The following ABCE1 variants were observed in gnomAD, a reference collection of about 807,000 sequenced individuals.
ABCE1 encodes the protein ATP binding cassette subfamily E member 1.
In ABCE1, 22 loss-of-function variants were observed where a neutral mutation model predicts 83.4. That is an observed-to-expected ratio of 0.26 (90% CI 0.19 to 0.38). ABCE1 has a LOEUF of 0.38. Among genes scored for constraint, ABCE1 ranks in the 10% least tolerant of loss-of-function variants. The pLI, the probability that ABCE1 is intolerant of heterozygous loss-of-function variation, is 1.00. For synonymous variants in ABCE1, 204 were observed against 233.7 expected (o/e 0.87, Z 1.16); for missense variants, 330 against 721.9 (o/e 0.46, Z 6.22).
At chr4:145,105,958 AG>A (rs879357188) in intron 3 of ABCE1, among the ~76,000 whole-genome samples, 1 of 151,966 alleles carries the variant, frequency 6.6e-6, no homozygotes, top group African/African-American at 2.4e-5. Context: ...CCTTTTTATA[AG>A]GACATTACCA....
chr4:145,111,490 A>AT (rs957817389), intron 8 of ABCE1, among the ~76,000 whole-genome samples: 7 of 151,152 alleles, frequency 4.6e-5, no homozygotes, highest in African/African-American at 1.2e-4. Context: ...CACCCAGCTA[A>AT]TTTTTTTTTG....
chr4:145,113,708 A>G (rs1749540643), intron 9 of ABCE1, among the ~76,000 whole-genome samples: 1 of 152,214 alleles, frequency 6.6e-6, no homozygotes, highest in Non-Finnish European at 1.5e-5. Flanking sequence ...AAAGGATTCA[A>G]AACCCTAAGG....
rs554907873 is a variant in ABCE1, at chr4:145,121,612, G to A, written c.1263+221G>A. The A allele has an allele frequency of 1.9e-5, 8 of 425,686 alleles. No individual in the cohort carries two copies. In the South Asian group the frequency reaches 2.1e-4, roughly 11 times the overall value. The allele number at this position is 425,686 out of a possible 1,614,324, so 26.4% of individuals were successfully genotyped here. A position where few individuals can be genotyped will look rare whatever the true frequency, so the allele number is the denominator to read the frequency against. ...TCTTTGGCCGGGTGCAGTAGCTCAC[G>A]CCTGTAATGCCAACACTTCGGGAGG... is the stretch of plus-strand genomic sequence containing the variant. On this transcript the variant is annotated intron_variant, in intron 13 of 17. Transcript: ENST00000296577.
chr4:145,102,369 T>C (rs932404333), intron 1 of ABCE1, among the ~76,000 whole-genome samples: 2 of 152,142 alleles, frequency 1.3e-5, no homozygotes, highest in African/African-American at 4.8e-5. Context: ...GATAATAGAA[T>C]GCCTGAATGC....
intron 6 of ABCE1, 21 bp from the exon 7 acceptor site, chr4:145,110,354 G>T (rs1749433490): frequency 6.2e-7 from 1 of 1,609,930 alleles, no homozygotes. Flanking sequence ...AATAGTAACT[G>T]TTTTTGGTAT....
At position 145,110,177 on chromosome 4, in the gene ABCE1, A is replaced by G. The variant is rs774698791; in HGVS notation, c.480A>G (p.Leu160=). Residue 160 remains leucine (L), a synonymous_variant, in exon 6 of 18, where the codon CTA becomes CTG. Coordinates refer to ENST00000296577, the MANE Select transcript of ABCE1 (RefSeq NM_002940.3). ...SELQNYFTKI[L]EDDLKAIIKP... The stretch of plus-strand genomic sequence containing the variant: ...TACAAAATTACTTTACAAAGATTCT[A>G]GAAGATGACCTAAAAGCCATCATCA... The G allele has an allele frequency of 6.2e-6, 10 of 1,608,558 alleles. No individual in the cohort carries two copies. The highest frequency in any genetic ancestry group is 2.7e-5 in the African/African-American group (2 of 74,388).
intron 9 of ABCE1, among the ~76,000 whole-genome samples, chr4:145,113,934 T>G (rs1749547575): frequency 1.3e-5 from 2 of 152,194 alleles, no homozygotes; most frequent in South Asian, 4.1e-4. Context: ...ACCTGGAGAA[T>G]GTAATGAGGA....
At chr4:145,110,515 G>C in intron 7 of ABCE1, 71 bp downstream of exon 7, 1 of 1,482,642 alleles carries the variant, frequency 6.7e-7, no homozygotes, top group East Asian at 2.3e-5. Flanking sequence ...CGCTCTTGTT[G>C]CCCAGGCTGG....
chr4:145,099,331 C>T (rs1033121278), intron 1 of ABCE1, among the ~76,000 whole-genome samples: 6 of 152,094 alleles, frequency 3.9e-5, no homozygotes, highest in African/African-American at 1.4e-4. Context: ...TACTCTTTCC[C>T]AACAGGACTG....
intron 3 of ABCE1, 125 bp downstream of exon 3, chr4:145,105,815 AT>A: frequency 2.1e-6 from 1 of 487,358 alleles, no homozygotes. Flanking sequence ...GAGAATGTAA[AT>A]TTAGGAAAGT....
intron 8 of ABCE1, 138 bp from the exon 9 acceptor site, chr4:145,112,101 A>G: frequency 1.7e-6 from 1 of 581,636 alleles, no homozygotes. Context: ...CATTACAAGT[A>G]GACTCTTCAT....
At chr4:145,111,347 G>A (rs959458142) in intron 8 of ABCE1, among the ~76,000 whole-genome samples, 36 of 151,880 alleles carry the variant, frequency 2.4e-4, no homozygotes, top group African/African-American at 8.2e-4. Flanking sequence ...TTTTTGAGAC[G>A]GAGTCTCGCT....
chr4:145,115,262 AT>A (rs1031851046), intron 9 of ABCE1, among the ~76,000 whole-genome samples: 59 of 151,936 alleles, frequency 3.9e-4, no homozygotes, highest in African/African-American at 1.4e-3. Flanking sequence ...AGTTTGACCT[AT>A]TTTTTTCTTC....
chr4:145,098,855 G>T (rs762560690), intron 1 of ABCE1, among the ~76,000 whole-genome samples: 1 of 152,226 alleles, frequency 6.6e-6, no homozygotes, highest in Non-Finnish European at 1.5e-5. Context: ...GGAAGTCGTG[G>T]CTTCCACGTT....
chr4:145,121,000 C>T (rs1405448777), intron 11 of ABCE1, 174 bp from the exon 12 acceptor site: 1 of 609,666 alleles, frequency 1.6e-6, no homozygotes, highest in Non-Finnish European at 2.9e-6. Flanking sequence ...TAGAATGACA[C>T]TTCAGAGGTG....
chr4:145,123,566 G>A lies in ABCE1; in HGVS notation c.1606G>A (p.Asp536Asn). The A allele has an allele frequency of 6.2e-7, 1 of 1,605,494 alleles. No homozygotes were observed. Among genetic ancestry groups the A allele is most frequent in the South Asian group, 1.1e-5 (1 of 90,718 alleles). The change falls in exon 16 of 18, where the codon GAT (aspartate) becomes AAT (asparagine). Residue 536 changes from aspartate to asparagine, a missense_variant. Transcript: ENST00000296577. ...TCTAGCGGATCGCGTCATCGTTTTTGATGGTGTTCCATCTAAGAACACAGT... is the reference window on the plus strand; with the variant it reads ...TCTAGCGGATCGCGTCATCGTTTTTAATGGTGTTCCATCTAAGAACACAGT... ...TYLADRVIVF[D>N]GVPSKNTVAN...
At chr4:145,124,965 A>G in intron 16 of ABCE1, 25 bp from the exon 17 acceptor site, 1 of 1,525,246 alleles carries the variant, frequency 6.6e-7, no homozygotes, top group Non-Finnish European at 9.0e-7. Context: ...AATTTAATCA[A>G]AATTGATTTT....
chr4:145,124,929 A>C (rs1047883230), intron 16 of ABCE1, 61 bp from the exon 17 acceptor site: 2 of 1,208,726 alleles, frequency 1.7e-6, no homozygotes, highest in African/African-American at 3.0e-5. Flanking sequence ...CCTTCCTCTC[A>C]AAAGGTAGTT....
intron 9 of ABCE1, 138 bp downstream of exon 9, chr4:145,112,466 C>T: frequency 1.5e-6 from 1 of 646,010 alleles, no homozygotes; most frequent in East Asian, 3.0e-5. Context: ...CTAAATTTAC[C>T]TTTCTTTACC....
Sources: gnomAD v4.1 joint callset for allele counts (sites outside exome capture counted in the v4.1 genomes callset) on GRCh38, gnomAD v4.1.1 for gene constraint, MANE v1.5 for transcripts, NCBI Gene and HGNC (gene_info 2026-07-23, HGNC 2026-07-21) for gene names.